The following UGT2B7 variants were observed in gnomAD, a reference collection of about 807,000 sequenced individuals.
UGT2B7 encodes the protein UDP glucuronosyltransferase family 2 member B7, also known as UDP-glucuronosyltransferase 2B7.
In UGT2B7, 51 loss-of-function variants were observed where a neutral mutation model predicts 51.9. The observed-to-expected ratio is 0.98, with a 90% CI of 0.78 to 1.24. The LOEUF (loss-of-function observed/expected upper bound fraction) is 1.24. UGT2B7 is among the 50% of genes most tolerant of loss of function. The probability of loss-of-function intolerance (pLI) is 0.00; values close to 1 mark genes in which losing one functional copy is unlikely to be tolerated. For synonymous variants in UGT2B7, 225 were observed against 211.6 expected (o/e 1.06, Z -0.55); for missense variants, 727 against 628.4 (o/e 1.16, Z -1.68).
chr4:69,088,512 C>A (rs947508458), intron 1 of UGT2B7, among the ~76,000 whole-genome samples: 1 of 152,038 alleles, frequency 6.6e-6, no homozygotes, highest in South Asian at 2.1e-4. Context: ...GATACTTAAG[C>A]AATAACTGGA....
intron 1 of UGT2B7, among the ~76,000 whole-genome samples, chr4:69,078,193 G>T (rs1718758732): frequency 6.6e-6 from 1 of 151,932 alleles, no homozygotes. Flanking sequence ...TGCTGGATTT[G>T]TTTTGCCAGC....
At chr4:69,076,757 AT>A (rs1418498139) in intron 1 of UGT2B7, among the ~76,000 whole-genome samples, 1 of 151,652 alleles carries the variant, frequency 6.6e-6, no homozygotes, top group African/African-American at 2.4e-5. Flanking sequence ...ATGATAGTTT[AT>A]TTTGCTGTGC....
At position 69,107,962 on chromosome 4, in the gene UGT2B7, T is replaced by C. The variant is rs1199857367; in HGVS notation, c.1091-141T>C. ...CAGTTACATACCCAGTACAAGTACG[T>C]GTTTTTTCCTCCGAAGTCTGAAACA... On this transcript the variant is annotated intron_variant, in intron 4 of 5. Coordinates refer to ENST00000305231, the MANE Select transcript of UGT2B7 (RefSeq NM_001074.4). 1.2e-5 allele frequency: 12 copies of C among 1,037,386 alleles called. No homozygotes were observed. The South Asian group carries it at 1.5e-4, about 13-fold the overall frequency. 64.3% of individuals were successfully genotyped at this position (1,037,386 alleles called of 1,614,324 possible). A position where few individuals can be genotyped will look rare whatever the true frequency, so the allele number is the denominator to read the frequency against.
intron 1 of UGT2B7, among the ~76,000 whole-genome samples, chr4:69,064,919 G>A: frequency 6.6e-6 from 1 of 152,130 alleles, no homozygotes; most frequent in Non-Finnish European, 1.5e-5. Flanking sequence ...ATTAGGAGGT[G>A]CAATATGGCA....
In UGT2B7 at chr4:69,086,394, A is replaced by T. The variant is rs187536621; in HGVS notation, c.-158-3078A>T. Among the ~76,000 whole-genome samples, 1,004 of 152,032 alleles carry T rather than the reference A, an allele frequency of 6.6e-3. 5 individuals are homozygous for T. Among genetic ancestry groups the T allele is most frequent in the Non-Finnish European group, 0.012 (840 of 67,838 alleles). The stretch of plus-strand genomic sequence containing the variant: ...AATTTAAGACTTATTTTGACCTAAA[A>T]TATGGTCTATTCTAGAAGATGTTTC... On this transcript the variant is annotated intron_variant, in intron 1 of 5. Coordinates refer to the UGT2B7 transcript ENST00000502942.
At chr4:69,106,059 A>G (rs993350423) in intron 3 of UGT2B7, among the ~76,000 whole-genome samples, 2 of 152,124 alleles carry the variant, frequency 1.3e-5, no homozygotes, top group Admixed American at 1.3e-4. Flanking sequence ...ATTTTTATAC[A>G]TTTTTAGAAT....
chr4:69,067,093 G>A (rs930020455), intron 1 of UGT2B7, among the ~76,000 whole-genome samples: 2 of 152,046 alleles, frequency 1.3e-5, no homozygotes, highest in African/African-American at 2.4e-5. Flanking sequence ...GGGGAGGGTG[G>A]TAATGGGAAA....
intron 1 of UGT2B7, among the ~76,000 whole-genome samples, chr4:69,073,867 C>T (rs1718649870): frequency 6.6e-6 from 1 of 152,130 alleles, no homozygotes; most frequent in African/African-American, 2.4e-5. Context: ...TGGGCTCTAT[C>T]AGTCAAGCAT....
Position 69,052,599 on chromosome 4 carries a change from G to T in UGT2B7, c.-159+997G>T, listed in dbSNP as rs867539083. ...AAAAAAAAAAAAAAAAAAAGAAGGG[G>T]AGGCAAAATTTACGTAAAAAGAGTG... is the stretch of plus-strand genomic sequence containing the variant. On this transcript the variant is annotated intron_variant, in intron 1 of 5. Transcript: ENST00000502942. Among the ~76,000 whole-genome samples, 58 of 131,106 alleles carry T rather than the reference G, an allele frequency of 4.4e-4. 1 individual carries two copies. The highest frequency in any genetic ancestry group is 1.1e-3 in the East Asian group (5 of 4,388). The allele number at this position is 131,106 out of a possible 152,430, so 86.0% of individuals were successfully genotyped here.
intron 1 of UGT2B7, among the ~76,000 whole-genome samples, chr4:69,084,415 T>A (rs1265067935): frequency 3.5e-5 from 4 of 113,192 alleles, no homozygotes; most frequent in Admixed American, 2.0e-4. Flanking sequence ...TTTACTTCTC[T>A]TTAATGTTTT....
intron 1 of UGT2B7, among the ~76,000 whole-genome samples, chr4:69,053,499 T>C (rs948560135): frequency 5.9e-5 from 9 of 152,220 alleles, no homozygotes; most frequent in African/African-American, 2.2e-4. Flanking sequence ...GCCCTAATTG[T>C]CCCCTTTCCA....
intron 1 of UGT2B7, among the ~76,000 whole-genome samples, chr4:69,055,628 A>G (rs1718172880): frequency 6.6e-6 from 1 of 152,330 alleles, no homozygotes; most frequent in Non-Finnish European, 1.5e-5. Context: ...AATTAGCCGA[A>G]CACATAGCCC....
At chr4:69,098,516 C>CTTTT in intron 1 of UGT2B7, 24 bp from the exon 2 acceptor site, 9 of 1,474,770 alleles carry the variant, frequency 6.1e-6, no homozygotes, top group South Asian at 1.3e-5. Context: ...TGTCATCCAC[C>CTTTT]TTTTTTTTTT....
intron 1 of UGT2B7, among the ~76,000 whole-genome samples, chr4:69,072,261 T>C (rs963623254): frequency 6.6e-6 from 1 of 152,114 alleles, no homozygotes; most frequent in Non-Finnish European, 1.5e-5. Flanking sequence ...GTTAACAAAA[T>C]TTAAACACAG....
chr4:69,077,157 A>G (rs1250927826), intron 1 of UGT2B7, among the ~76,000 whole-genome samples: 1 of 152,148 alleles, frequency 6.6e-6, no homozygotes, highest in Non-Finnish European at 1.5e-5. Context: ...TTTTGGTACC[A>G]GTACCATGCT....
intron 1 of UGT2B7, among the ~76,000 whole-genome samples, chr4:69,071,050 G>T (rs1718589800): frequency 1.3e-5 from 2 of 152,070 alleles, no homozygotes; most frequent in Admixed American, 6.6e-5. Context: ...ATGAGGCCTT[G>T]AATACACTTG....
intron 1 of UGT2B7, among the ~76,000 whole-genome samples, chr4:69,066,104 C>T (rs930990534): frequency 4.6e-5 from 7 of 152,126 alleles, no homozygotes; most frequent in Non-Finnish European, 1.5e-5. Context: ...TAGGTGATCT[C>T]AATGTTTTTA....
At chr4:69,094,734 C>T (rs1007142076), upstream of UGT2B7, among the ~76,000 whole-genome samples, 2 of 152,164 alleles carry the variant, frequency 1.3e-5, no homozygotes, top group African/African-American at 4.8e-5. Context: ...TACATTAACC[C>T]ACCCTTTCAC....
At chr4:69,055,130 A>C (rs912943416) in intron 1 of UGT2B7, among the ~76,000 whole-genome samples, 1 of 147,596 alleles carries the variant, frequency 6.8e-6, no homozygotes, top group African/African-American at 2.5e-5. Flanking sequence ...AAAAAAAGAA[A>C]GGTCCCCAAA....
Sources: allele counts gnomAD v4.1 joint callset (sites outside exome capture counted in the v4.1 genomes callset), GRCh38; gene constraint gnomAD v4.1.1; transcripts MANE v1.5; gene names NCBI Gene and HGNC (gene_info 2026-07-23, HGNC 2026-07-21).